ACAD10: variants seen among roughly 807,000 people sequenced by gnomAD.
ACAD10 encodes ACAD-10.
In ACAD10, 112 loss-of-function variants were observed where a neutral mutation model predicts 116.8. The ratio of observed to expected loss-of-function variants is 0.96; its 90% confidence interval spans 0.82 to 1.12. The LOEUF is 1.12. Ranked by LOEUF, ACAD10 falls within the 50% of genes most tolerant of loss-of-function variation. ACAD10 has a pLI of 0.00. For synonymous variants in ACAD10, 486 were observed against 510.6 expected, an observed-to-expected ratio of 0.95 and a Z score of 0.65; for missense variants, 1,259 against 1,350.2, an observed-to-expected ratio of 0.93 and a Z score of 1.06.
At chr12:111,755,929 C>T in intron 20 of ACAD10, 184 bp downstream of exon 20, 1 of 724,600 alleles carries the variant, frequency 1.4e-6, no homozygotes. Flanking sequence ...CCATCGTACC[C>T]CCATTTTGAA....
chr12:111,730,148 G>T (rs549163998), intron 10 of ACAD10, among the ~76,000 whole-genome samples, 192 bp downstream of exon 10: 3 of 152,288 alleles, frequency 2.0e-5, no homozygotes, highest in Admixed American at 2.0e-4. Flanking sequence ...AGTTTTTGTG[G>T]TGGGAGCTAC....
rs151106801 is a variant in ACAD10 at position 111,729,911 on chromosome 12, A to C, written c.1349A>C (p.His450Pro). ...MERLIEWLPL[H>P]LPRQQRTTVV... ...AGGCTGATCGAATGGCTGCCCCTCC[A>C]TCTTCCCCGTCAGCAGAGGACCACA... Residue 450 changes from histidine to proline, a missense_variant, in exon 10 of 21, where the codon CAT (histidine) becomes CCT (proline). By Grantham distance (77) the His-to-Pro change is moderately conservative. Coordinates refer to ENST00000313698, the MANE Select transcript of ACAD10 (RefSeq NM_025247.6). 1 of 1,614,042 alleles carries C rather than the reference A, an allele frequency of 6.2e-7. No individual in the cohort carries two copies. The highest frequency in any genetic ancestry group is 8.5e-7 in the Non-Finnish European group (1 of 1,179,994).
chr12:111,691,395 T>C (rs1376388858), intron 1 of ACAD10, among the ~76,000 whole-genome samples: 1 of 152,094 alleles, frequency 6.6e-6, no homozygotes, highest in Non-Finnish European at 1.5e-5. Flanking sequence ...GAGTCTTTTC[T>C]GGTATCCCCA....
At chr12:111,712,699 C>A (rs183238964) in intron 6 of ACAD10, 42 bp downstream of exon 6, 2 of 1,598,960 alleles carry the variant, frequency 1.3e-6, no homozygotes, top group Non-Finnish European at 8.5e-7. Context: ...CTCTCCAAGG[C>A]GAAGGTTTTG....
At chr12:111,730,328 C>T (rs1195260863) in intron 10 of ACAD10, among the ~76,000 whole-genome samples, 7 of 152,142 alleles carry the variant, frequency 4.6e-5, no homozygotes, top group African/African-American at 1.7e-4. Context: ...AAGGCAGAGT[C>T]TATGGCCATA....
chr12:111,739,159 T>C (rs1889659066), intron 12 of ACAD10, among the ~76,000 whole-genome samples: 3 of 152,182 alleles, frequency 2.0e-5, no homozygotes, highest in African/African-American at 7.2e-5. Flanking sequence ...AATGCATTAA[T>C]GGATGTGGGC....
At chr12:111,712,431 C>A in intron 5 of ACAD10, 67 bp from the exon 6 acceptor site, 1 of 1,433,986 alleles carries the variant, frequency 7.0e-7, no homozygotes, top group Admixed American at 2.0e-5. Flanking sequence ...TTCTCAACAT[C>A]CTGTGAAAGG....
At chr12:111,737,841 G>GGT (rs150399090) in intron 12 of ACAD10, among the ~76,000 whole-genome samples, 4,355 of 146,378 alleles carry the variant, frequency 0.03, 94 homozygotes, top group East Asian at 0.067. Flanking sequence ...CAAATTTCTT[G>GGT]GTGTGTGTGT....
intron 10 of ACAD10, among the ~76,000 whole-genome samples, chr12:111,733,272 A>T (rs904796825): frequency 2.0e-5 from 3 of 151,326 alleles, no homozygotes; most frequent in South Asian, 2.1e-4. Flanking sequence ...TAATTTTTAA[A>T]TTTTTTTTTG....
intron 8 of ACAD10, among the ~76,000 whole-genome samples, chr12:111,723,233 G>T: frequency 1.5e-5 from 2 of 137,342 alleles, no homozygotes; most frequent in Non-Finnish European, 1.6e-5. Flanking sequence ...CGGCTGGCCG[G>T]GCAGAGGGGC....
chr12:111,725,222 C>T (rs941827550), intron 8 of ACAD10, among the ~76,000 whole-genome samples: 1 of 152,000 alleles, frequency 6.6e-6, no homozygotes, highest in Non-Finnish European at 1.5e-5. Flanking sequence ...AGAATAAAGA[C>T]ATTGACCGGG....
Position 111,753,759 on chromosome 12 carries a change from C to T in ACAD10, c.2818-13C>T, listed in dbSNP as rs868775056. ...CCAGCATGTCCTCAGCCGCACATCT[C>T]CTGTGTCGACAGGTGAAGTCCCGCT... On this transcript the variant is annotated splice_polypyrimidine_tract_variant and intron_variant, in intron 18 of 20. Transcript: ENST00000313698. 6.2e-7 allele frequency: 1 copy of T among 1,613,848 alleles called. No individual in the cohort carries two copies. Among genetic ancestry groups the T allele is most frequent in the Admixed American group, 1.7e-5 (1 of 60,026 alleles).
intron 11 of ACAD10, among the ~76,000 whole-genome samples, chr12:111,734,366 G>A (rs1217524555): frequency 6.6e-6 from 1 of 152,230 alleles, no homozygotes; most frequent in Non-Finnish European, 1.5e-5. Context: ...GGTGTCTCAT[G>A]CCTGTAATCC....
Position 111,692,759 on chromosome 12 carries a change from G to A in ACAD10, c.50G>A (p.Arg17Lys). 6.2e-7 allele frequency: 1 copy of A among 1,614,200 alleles called. No homozygotes were observed. Among genetic ancestry groups the A allele is most frequent in the Non-Finnish European group, 8.5e-7 (1 of 1,180,040 alleles). Reference protein sequence around the residue: ...FQSPRLQWVWRTAFLKHTQRR... With the variant: ...FQSPRLQWVWKTAFLKHTQRR... ...TCCCCCCGTCTCCAGTGGGTGTGGA[G>A]AACAGCCTTCCTGAAACACACCCAG... Residue 17 changes from arginine to lysine, a missense_variant, in exon 2 of 21, where the codon AGA becomes AAA. Arg to Lys is a conservative substitution (Grantham distance 26). Transcript: ENST00000313698.
chr12:111,756,735 T>A lies in ACAD10; in HGVS notation c.*262T>A. ...TGGGACAGAGTCTGGAAAGCTGGTCTTCAGGCTCTCAGTCCCAGGCTGGGC... is the reference window on the plus strand; with the variant it reads ...TGGGACAGAGTCTGGAAAGCTGGTCATCAGGCTCTCAGTCCCAGGCTGGGC... On this transcript the variant is annotated 3_prime_UTR_variant, in exon 21 of 21. Coordinates refer to ENST00000313698, the MANE Select transcript of ACAD10 (RefSeq NM_025247.6). 1 of 641,712 alleles carries A rather than the reference T, an allele frequency of 1.6e-6. No homozygotes were observed. Among genetic ancestry groups the A allele is most frequent in the Non-Finnish European group, 2.8e-6 (1 of 351,652 alleles). The allele number at this position is 641,712 out of a possible 1,614,324, so 39.8% of individuals were successfully genotyped here. A position where few individuals can be genotyped will look rare whatever the true frequency, so the allele number is the denominator to read the frequency against.
intron 2 of ACAD10, chr12:111,693,105 A>G: frequency 1.7e-6 from 1 of 586,686 alleles, no homozygotes; most frequent in Non-Finnish European, 3.0e-6. Context: ...CCTCATCATT[A>G]AATGAGCTAA....
intron 12 of ACAD10, among the ~76,000 whole-genome samples, chr12:111,740,102 C>A (rs1163460399): frequency 6.6e-6 from 1 of 152,030 alleles, no homozygotes; most frequent in East Asian, 1.9e-4. Flanking sequence ...TCGATCATTG[C>A]GGAAGGCGAG....
At chr12:111,733,847 G>A (rs1889471666) in intron 10 of ACAD10, 76 bp from the exon 11 acceptor site, 37 of 1,589,054 alleles carry the variant, frequency 2.3e-5, no homozygotes, top group Non-Finnish European at 3.0e-5. Flanking sequence ...AGCCTAAAGG[G>A]CAAACAGACC....
Position 111,706,780 on chromosome 12 carries a change from A to ATTTT in ACAD10, c.531+849_531+850insTTTT, listed in dbSNP as rs1428071019. Reference sequence around the variant, plus strand: ...TATTTTTTTATATATATATATATATATATTTTTTTTTTTGAGACCATCTCA... The same window carrying ATTTT: ...TATTTTTTTATATATATATATATATATTTTTATTTTTTTTTTTGAGACCATCTCA... On this transcript the variant is annotated intron_variant, in intron 4 of 20. Coordinates refer to ENST00000313698, the MANE Select transcript of ACAD10 (RefSeq NM_025247.6). Among the ~76,000 whole-genome samples the ATTTT allele has an allele frequency of 2.9e-4, 36 of 122,102 alleles. No homozygotes were observed. The Admixed American group carries it at 3.1e-3, about 10-fold the overall frequency. 80.1% of individuals were successfully genotyped at this position (122,102 alleles called of 152,430 possible).
Sources: allele counts gnomAD v4.1 joint callset (sites outside exome capture counted in the v4.1 genomes callset), GRCh38; gene constraint gnomAD v4.1.1; transcripts MANE v1.5; gene names NCBI Gene and HGNC (gene_info 2026-07-23, HGNC 2026-07-21).